Variants in LRRTM3 observed in about 807,000 individuals in gnomAD.
The protein encoded by LRRTM3 is leucine-rich repeat transmembrane neuronal protein 3.
Under a neutral mutation model 44.7 loss-of-function variants are expected in LRRTM3, and 24 were observed. The observed-to-expected ratio is 0.54, with a 90% CI of 0.39 to 0.76. The LOEUF is 0.76. LRRTM3 is among the 30% of genes least tolerant of loss of function. The pLI is 0.00. For missense variants in LRRTM3, 587 were observed against 702.2 expected (o/e 0.84, Z 1.85); for synonymous variants, 277 against 278.7 (o/e 0.99, Z 0.06).
At chr10:67,028,898 A>AT (rs1265935716) in intron 2 of LRRTM3, among the ~76,000 whole-genome samples, 1 of 152,158 alleles carries the variant, frequency 6.6e-6, no homozygotes, top group Non-Finnish European at 1.5e-5. Flanking sequence ...TCATTTTAAC[A>AT]TTTTGGTGCA....
At chr10:67,020,137 G>A (rs778692064) in intron 2 of LRRTM3, among the ~76,000 whole-genome samples, 2 of 152,050 alleles carry the variant, frequency 1.3e-5, no homozygotes, top group Non-Finnish European at 2.9e-5. Flanking sequence ...ATCAATGAAT[G>A]GACAGAATTA....
chr10:67,097,731 G>A lies in LRRTM3; in HGVS notation c.1681G>A (p.Glu561Lys). ...EDTMETHLET[E>K]LDLSTITTAG... ...TACGATGGAAACACACCTAGAGACT[G>A]AGCTGGACCTGAGCACAATCACAAC... The change falls in exon 3 of 3, where the codon GAG (glutamate) becomes AAG (lysine). Residue 561 changes from glutamate (E) to lysine (K), a missense_variant. Around this residue, in one of 3 missense-constraint regions of LRRTM3, gnomAD observed 315 missense variants for 335.6 expected, o/e 0.94. Coordinates refer to ENST00000361320, the MANE Select transcript of LRRTM3 (RefSeq NM_178011.5). The A allele has an allele frequency of 6.2e-7, 1 of 1,612,642 alleles. No homozygotes were observed. The highest frequency in any genetic ancestry group is 8.5e-7 in the Non-Finnish European group (1 of 1,179,058).
At chr10:67,096,591 T>C (rs563938210) in intron 2 of LRRTM3, among the ~76,000 whole-genome samples, 20 of 152,044 alleles carry the variant, frequency 1.3e-4, no homozygotes, top group Admixed American at 9.8e-4. Flanking sequence ...TCCTGAAATC[T>C]GCCTACTTTT....
At chr10:66,961,167 T>C (rs1849091250) in intron 2 of LRRTM3, among the ~76,000 whole-genome samples, 1 of 152,174 alleles carries the variant, frequency 6.6e-6, no homozygotes, top group African/African-American at 2.4e-5. Context: ...ATAAACATTA[T>C]CTTTAAAGCT....
In LRRTM3 at chr10:66,926,503, TG is replaced by T. The variant is rs1847082157; in HGVS notation, c.-80del. 6.5e-7 allele frequency: 1 copy of T among 1,541,302 alleles called. No homozygotes were observed. Among genetic ancestry groups the T allele is most frequent in the Non-Finnish European group, 8.9e-7 (1 of 1,118,304 alleles). On this transcript the variant is annotated 5_prime_UTR_variant, in exon 1 of 3. The change abolishes the stop of an existing upstream ORF in the 5' untranslated region. Transcript: ENST00000361320. ...GTCAGCGAGCCCTGACTCACTACAGTGCAGCTGACAGGGGCTGTCATGCAAC... is the reference window on the plus strand; with the variant it reads ...GTCAGCGAGCCCTGACTCACTACAGTCAGCTGACAGGGGCTGTCATGCAAC...
At position 66,926,124 on chromosome 10, in the gene LRRTM3, A is replaced by G. The variant is rs777374883; in HGVS notation, c.-460A>G. On this transcript the variant is annotated 5_prime_UTR_variant, in exon 1 of 3. Coordinates refer to ENST00000361320, the MANE Select transcript of LRRTM3 (RefSeq NM_178011.5). ...GGGCTCTCCTGCCTTCTGGGCTCCA[A>G]CGCAGCTCTGTGGCTGAACTGGGTG... The G allele has an allele frequency of 1.1e-5, 5 of 458,932 alleles. No individual in the cohort carries two copies. Among genetic ancestry groups the G allele is most frequent in the East Asian group, 6.9e-5 (1 of 14,518 alleles). The allele number at this position is 458,932 out of a possible 1,614,324, so 28.4% of individuals were successfully genotyped here.
chr10:66,983,351 T>G (rs767201707), intron 2 of LRRTM3, among the ~76,000 whole-genome samples: 1 of 152,150 alleles, frequency 6.6e-6, no homozygotes, highest in Non-Finnish European at 1.5e-5. Flanking sequence ...CCCTGGTATC[T>G]GAAGCAGGGG....
chr10:66,944,928 G>A lies in LRRTM3; in HGVS notation c.1536+16476G>A, dbSNP rs1293498940. On this transcript the variant is annotated intron_variant, in intron 2 of 2. Coordinates refer to ENST00000361320, the MANE Select transcript of LRRTM3 (RefSeq NM_178011.5). ...TAGGACTCAACAGGAGGCTTAAAAT[G>A]TCCAGTAAACCATGCTATAAACACA... Among the ~76,000 whole-genome samples the A allele has an allele frequency of 5.3e-5, 8 of 152,286 alleles. No individual in the cohort carries two copies. In the East Asian group the frequency reaches 1.5e-3, roughly 29 times the overall value.
At position 66,927,669 on chromosome 10, in the gene LRRTM3, C is replaced by T. The variant is rs923425639; in HGVS notation, c.753C>T (p.Thr251=). 6 of 1,614,012 alleles carry T rather than the reference C, an allele frequency of 3.7e-6. No individual in the cohort carries two copies. The highest frequency in any genetic ancestry group is 5.1e-6 in the Non-Finnish European group (6 of 1,180,034). The change falls in exon 2 of 3, where the codon ACC becomes ACT. Residue 251 remains threonine (T), a synonymous_variant. Coordinates refer to ENST00000361320, the MANE Select transcript of LRRTM3 (RefSeq NM_178011.5). This position sits in a 1 kb window ranked among gnomAD's most constrained non-coding sequence, Gnocchi z 4.7. ...ISVIGQTMSW[T]WSSLQRLDLS... ...TCATAGGACAGACCATGTCCTGGACCTGGAGCTCCTTACAAAGGCTTGATT... is the reference window on the plus strand; with the variant it reads ...TCATAGGACAGACCATGTCCTGGACTTGGAGCTCCTTACAAAGGCTTGATT...
chr10:66,965,670 T>C (rs1279031433), intron 2 of LRRTM3, among the ~76,000 whole-genome samples: 1 of 151,872 alleles, frequency 6.6e-6, no homozygotes, highest in Admixed American at 6.6e-5. Context: ...GGTTACTGAT[T>C]GTCCCAAAGC....
intron 2 of LRRTM3, among the ~76,000 whole-genome samples, chr10:66,957,393 CATATATAT>C (rs10532386): frequency 0.057 from 4,738 of 83,090 alleles, 378 homozygotes; most frequent in Middle Eastern, 0.1. Flanking sequence ...TATATATATA[CATATATAT>C]ATATATATAT....
intron 2 of LRRTM3, among the ~76,000 whole-genome samples, chr10:67,083,587 G>A (rs1360985311): frequency 2.0e-5 from 3 of 152,098 alleles, no homozygotes; most frequent in African/African-American, 7.2e-5. Flanking sequence ...TCCTTGAGAA[G>A]AAGCTAAGAA....
chr10:67,092,041 G>T (rs141463588), intron 2 of LRRTM3, among the ~76,000 whole-genome samples: 2 of 151,594 alleles, frequency 1.3e-5, no homozygotes, highest in African/African-American at 4.8e-5. Flanking sequence ...AAGAAAATAC[G>T]CCTCTGAATT....
rs997824056 is a variant in LRRTM3 at position 67,025,052 on chromosome 10, C to T, written c.1537-72535C>T. Among the ~76,000 whole-genome samples, 4 of 149,794 alleles carry T rather than the reference C, an allele frequency of 2.7e-5. No individual in the cohort carries two copies. The Admixed American group carries it at 2.7e-4, about 10-fold the overall frequency. On this transcript the variant is annotated intron_variant, in intron 2 of 2. Coordinates refer to ENST00000361320, the MANE Select transcript of LRRTM3 (RefSeq NM_178011.5). ...GGCTGAGGCAGGAGAATCACTTGAACCCAGGAGCGGAGGTTGCGGTGAGCC... is the reference window on the plus strand; with the variant it reads ...GGCTGAGGCAGGAGAATCACTTGAATCCAGGAGCGGAGGTTGCGGTGAGCC...
chr10:66,945,673 A>T (rs1203903359), intron 2 of LRRTM3, among the ~76,000 whole-genome samples: 1 of 152,120 alleles, frequency 6.6e-6, no homozygotes, highest in African/African-American at 2.4e-5. Flanking sequence ...CTTTCAACCT[A>T]TTTCAGCTTT....
rs536066790 is a variant in LRRTM3, at chr10:66,953,769, GATGAT to G, written c.1536+25320_1536+25324del. Among the ~76,000 whole-genome samples, 368 of 152,156 alleles carry G rather than the reference GATGAT, an allele frequency of 2.4e-3. 3 individuals are homozygous for G. The highest frequency in any genetic ancestry group is 3.7e-4 in the Non-Finnish European group (25 of 68,010). On this transcript the variant is annotated intron_variant, in intron 2 of 2. Transcript: ENST00000361320. Reference sequence around the variant, plus strand: ...ACACTGTCCTCCTAAGATAATATTAGATGATATAAGTTTTATTTTTTTAAAAATTA... The same window carrying G: ...ACACTGTCCTCCTAAGATAATATTAGATAAGTTTTATTTTTTTAAAAATTA...
At chr10:66,958,028 G>A (rs898062259) in intron 2 of LRRTM3, among the ~76,000 whole-genome samples, 2 of 151,950 alleles carry the variant, frequency 1.3e-5, no homozygotes, top group African/African-American at 2.4e-5. Context: ...TAGAACTAGA[G>A]GGGCCAAAAG....
At chr10:67,000,050 C>T (rs1297115279) in intron 2 of LRRTM3, among the ~76,000 whole-genome samples, 1 of 152,108 alleles carries the variant, frequency 6.6e-6, no homozygotes, top group African/African-American at 2.4e-5. Flanking sequence ...ACTACTGAAG[C>T]TTTAGTATAC....
chr10:66,928,462 A>G lies in LRRTM3; in HGVS notation c.1536+10A>G. 6.3e-7 allele frequency: 1 copy of G among 1,578,958 alleles called. No individual in the cohort carries two copies. Among genetic ancestry groups the G allele is most frequent in the South Asian group, 1.2e-5 (1 of 84,980 alleles). ...CTCCAGGGAGTGTGAGGTATGAACC[A>G]TTGTGATAAAAAGAGCTCTTAAAAG... On this transcript the variant is annotated intron_variant, in intron 2 of 2. Coordinates refer to ENST00000361320, the MANE Select transcript of LRRTM3 (RefSeq NM_178011.5).
Sources: allele counts gnomAD v4.1 joint callset (sites outside exome capture counted in the v4.1 genomes callset), GRCh38; gene constraint gnomAD v4.1.1; regional missense constraint gnomAD v4.1.1; non-coding constraint Gnocchi (gnomAD v3.1); transcripts MANE v1.5; gene names NCBI Gene and HGNC (gene_info 2026-07-23, HGNC 2026-07-21).